MEGF6: variants seen among roughly 807,000 people sequenced by gnomAD.
MEGF6 encodes multiple epidermal growth factor-like domains protein 6.
Under a neutral mutation model 207.1 loss-of-function variants are expected in MEGF6, and 184 were observed. That is an observed-to-expected ratio of 0.89 (90% CI 0.79 to 1.00). MEGF6 has a LOEUF of 1.00. Among genes scored for constraint, MEGF6 ranks in the 50% least tolerant of loss-of-function variants. MEGF6 has a pLI of 0.00. For missense variants in MEGF6, 2,282 were observed against 2,202.9 expected, an observed-to-expected ratio of 1.04 and a Z score of -0.72; for synonymous variants, 1,038 against 910.0, an observed-to-expected ratio of 1.14 and a Z score of -2.53.
chr1:3,621,433 G>T, the MEGF6 span, among the ~76,000 whole-genome samples: 5 of 152,130 alleles, frequency 3.3e-5, no homozygotes, highest in African/African-American at 1.2e-4. Flanking sequence ...GTACGGCCTG[G>T]TTTTTTCTAG....
chr1:3,504,951 G>A (rs756914045), intron 17 of MEGF6, among the ~76,000 whole-genome samples: 2 of 152,156 alleles, frequency 1.3e-5, no homozygotes, highest in South Asian at 2.1e-4. Context: ...CCCCTCCCCA[G>A]GTCAGGCCCT....
rs574580049 is a variant in MEGF6 at position 3,567,985 on chromosome 1, C to T, written c.481+11840G>A. Among the ~76,000 whole-genome samples the T allele has an allele frequency of 4.6e-5, 7 of 152,322 alleles. No individual in the cohort carries two copies. In the South Asian group the frequency reaches 1.2e-3, roughly 27 times the overall value. ...TTCCCAAGGGTCTCACAGGCACTGCCGTGCTGTGGGACAGGCCCAGCCACG... is the reference window on the plus strand; with the variant it reads ...TTCCCAAGGGTCTCACAGGCACTGCTGTGCTGTGGGACAGGCCCAGCCACG... On this transcript the variant is annotated intron_variant, in intron 4 of 36. Transcript: ENST00000356575.
intron 3 of MEGF6, among the ~76,000 whole-genome samples, chr1:3,587,066 T>A (rs1351594473): frequency 6.6e-6 from 1 of 152,246 alleles, no homozygotes; most frequent in Non-Finnish European, 1.5e-5. Context: ...ACCCTTGACA[T>A]AAGTAACTCC....
Position 3,490,118 on chromosome 1 carries a change from C to T in MEGF6, c.*410G>A, listed in dbSNP as rs867383783. On this transcript the variant is annotated 3_prime_UTR_variant, in exon 37 of 37. Transcript: ENST00000356575. ...TACCTTTACATAAATACGGGCTGGG[C>T]GACTTCCAGTCCCAGGGCCTAGCAC... The T allele has an allele frequency of 4.6e-5, 10 of 215,464 alleles. No individual in the cohort carries two copies. Among genetic ancestry groups the T allele is most frequent in the Non-Finnish European group, 9.1e-5 (10 of 109,528 alleles). The allele number at this position is 215,464 out of a possible 1,614,324, so 13.3% of individuals were successfully genotyped here.
At chr1:3,510,736 C>A (rs1043036627) in intron 10 of MEGF6, 47 bp downstream of exon 10, 2 of 1,567,534 alleles carry the variant, frequency 1.3e-6, no homozygotes, top group Non-Finnish European at 1.7e-6. Flanking sequence ...TTAGGGCAGC[C>A]CTGCTCCCAG....
intron 4 of MEGF6, chr1:3,531,258 C>T (rs765642003): frequency 4.4e-6 from 6 of 1,374,356 alleles, no homozygotes; most frequent in Non-Finnish European, 5.6e-6. Context: ...CCTGGTAGGC[C>T]GGCGGGCGGG....
chr1:3,590,123 A>G lies in MEGF6; in HGVS notation c.376+5215T>C, dbSNP rs1467429561. Among the ~76,000 whole-genome samples, 3 of 152,194 alleles carry G rather than the reference A, an allele frequency of 2.0e-5. No homozygotes were observed. In the East Asian group the frequency reaches 5.8e-4, roughly 29 times the overall value. ...GCCCGTATGAGGAGTTGCGGGGTAC[A>G]GGGGGCTGCAGGCAGGGTATTCCTG... On this transcript the variant is annotated intron_variant, in intron 3 of 36. Coordinates refer to ENST00000356575, the MANE Select transcript of MEGF6 (RefSeq NM_001409.4).
At chr1:3,571,399 T>C (rs1369666474) in intron 4 of MEGF6, among the ~76,000 whole-genome samples, 1 of 150,816 alleles carries the variant, frequency 6.6e-6, no homozygotes, top group Non-Finnish European at 1.5e-5. Flanking sequence ...AAGGCCAGCC[T>C]GCCCCAAAGG....
intron 4 of MEGF6, among the ~76,000 whole-genome samples, chr1:3,548,812 C>G (rs1412790407): frequency 6.6e-6 from 1 of 152,198 alleles, no homozygotes; most frequent in Non-Finnish European, 1.5e-5. Flanking sequence ...CACAGCCACC[C>G]ACCCCGACCC....
upstream of MEGF6, among the ~76,000 whole-genome samples, chr1:3,615,703 A>G (rs1055704954): frequency 1.3e-5 from 2 of 152,218 alleles, no homozygotes; most frequent in Non-Finnish European, 2.9e-5. Flanking sequence ...AGCACCTGGC[A>G]TGGAAGCCCG....
In MEGF6 at chr1:3,500,680, C is replaced by T. The variant is rs1266091083; in HGVS notation, c.2660G>A (p.Gly887Asp). The change falls in exon 21 of 37, where the codon GGC (glycine) becomes GAC (aspartate). Residue 887 changes from glycine (G) to aspartate (D), a missense_variant. By Grantham distance (94) the Gly-to-Asp change is moderately conservative (BLOSUM62 -1). Coordinates refer to ENST00000356575, the MANE Select transcript of MEGF6 (RefSeq NM_001409.4). ...GTAGCCAGCCTCACACAGACACAGGCCGCTGATGGCATCACAGCTCCCGTG... is the reference window on the plus strand; with the variant it reads ...GTAGCCAGCCTCACACAGACACAGGTCGCTGATGGCATCACAGCTCCCGTG... The part of the protein sequence containing the change: ...AGHGSCDAIS[G>D]LCLCEAGYVG... The T allele has an allele frequency of 1.3e-6, 2 of 1,574,762 alleles. No homozygotes were observed. The highest frequency in any genetic ancestry group is 3.7e-5 in the Admixed American group (2 of 54,548).
intron 4 of MEGF6, among the ~76,000 whole-genome samples, chr1:3,572,222 G>A (rs1643521152): frequency 7.0e-6 from 1 of 143,332 alleles, no homozygotes. Flanking sequence ...GAGTGTGCTA[G>A]GTCCTTCCCG....
At chr1:3,586,102 TGTGA>T (rs1050538835) in intron 3 of MEGF6, among the ~76,000 whole-genome samples, 43 of 144,308 alleles carry the variant, frequency 3.0e-4, no homozygotes, top group African/African-American at 9.7e-4. Flanking sequence ...ACATGTCCTG[TGTGA>T]GTGACACGTG....
At chr1:3,508,793 A>G in intron 12 of MEGF6, 104 bp from the exon 13 acceptor site, 4 of 1,428,602 alleles carry the variant, frequency 2.8e-6, no homozygotes, top group Non-Finnish European at 3.8e-6. Flanking sequence ...CATAAGGGGC[A>G]TCCTCGGCCC....
At chr1:3,528,507 T>C (rs1275403295) in intron 4 of MEGF6, among the ~76,000 whole-genome samples, 1 of 152,150 alleles carries the variant, frequency 6.6e-6, no homozygotes, top group African/African-American at 2.4e-5. Flanking sequence ...CAGACCCTCA[T>C]ATGGCAGAGG....
At chr1:3,491,467 C>T (rs1233852714) in intron 35 of MEGF6, among the ~76,000 whole-genome samples, 1 of 150,772 alleles carries the variant, frequency 6.6e-6, no homozygotes. Context: ...CTCCTCTCCT[C>T]GCCCCGCCCC....
rs570659251 is a variant in MEGF6 at position 3,595,400 on chromosome 1, C to G, written c.314G>C (p.Arg105Pro). 51 of 1,612,702 alleles carry G rather than the reference C, an allele frequency of 3.2e-5. 1 individual carries two copies. In the South Asian group the frequency reaches 5.2e-4, roughly 16 times the overall value. Residue 105 changes from arginine (R) to proline (P), a missense_variant, in exon 3 of 37, where the codon CGG (arginine) becomes CCG (proline). By Grantham distance (103) the Arg-to-Pro change is moderately radical (BLOSUM62 -2). Coordinates refer to ENST00000356575, the MANE Select transcript of MEGF6 (RefSeq NM_001409.4). ...GYRQVYTTEA[R>P]TVLRCCRGWM... ...CCCTCGGCAGCACCTGAGCACGGTC[C>G]GGGCCTCCGTGGTATACACCTGCCT...
At chr1:3,519,740 T>A (rs1641675101) in intron 5 of MEGF6, among the ~76,000 whole-genome samples, 2 of 152,220 alleles carry the variant, frequency 1.3e-5, no homozygotes, top group Non-Finnish European at 2.9e-5. Context: ...GCCAACGGCC[T>A]GCCAGCAGCC....
intron 1 of MEGF6, among the ~76,000 whole-genome samples, chr1:3,605,548 TCTCATACA>T (rs1644234713): frequency 3.9e-5 from 1 of 25,402 alleles, no homozygotes; most frequent in African/African-American, 6.1e-5. Context: ...TCACACATAT[TCTCATACA>T]CTCATACACT....
Sources: allele counts gnomAD v4.1 joint callset (sites outside exome capture counted in the v4.1 genomes callset), GRCh38; gene constraint gnomAD v4.1.1; transcripts MANE v1.5; gene names NCBI Gene and HGNC (gene_info 2026-07-23, HGNC 2026-07-21).